HPSE2: variants seen among roughly 807,000 people sequenced by gnomAD.
HPSE2 encodes heparanase 2 (inactive).
HPSE2 carries 38 observed loss-of-function variants against 60.5 expected under a neutral mutation model. That is an observed-to-expected ratio of 0.63 (90% CI 0.48 to 0.82). HPSE2 has a LOEUF of 0.82. HPSE2 is among the 40% of genes least tolerant of loss of function. HPSE2 has a pLI of 0.00. For synonymous variants in HPSE2, 295 were observed against 293.2 expected (o/e 1.01, Z -0.06); for missense variants, 713 against 740.4 (o/e 0.96, Z 0.43).
chr10:99,055,040 C>T (rs868452365), intron 3 of HPSE2, among the ~76,000 whole-genome samples: 6 of 152,012 alleles, frequency 3.9e-5, no homozygotes, highest in South Asian at 2.1e-4. Context: ...ATTGTAATGT[C>T]GGTATTCAAT....
intron 3 of HPSE2, among the ~76,000 whole-genome samples, chr10:98,746,641 T>C (rs955492460): frequency 3.3e-5 from 5 of 152,160 alleles, no homozygotes; most frequent in African/African-American, 1.2e-4. Context: ...ACTACTCTTT[T>C]TTTTCTTTTC....
intron 3 of HPSE2, among the ~76,000 whole-genome samples, chr10:99,050,253 G>GA (rs1198224072): frequency 6.6e-6 from 1 of 151,724 alleles, no homozygotes; most frequent in Admixed American, 6.6e-5. Flanking sequence ...AGTGGGGTAT[G>GA]ACTGCACCAC....
At chr10:98,550,088 G>A (rs1943814418) in intron 9 of HPSE2, among the ~76,000 whole-genome samples, 1 of 152,152 alleles carries the variant, frequency 6.6e-6, no homozygotes, top group African/African-American at 2.4e-5. Flanking sequence ...TTATTTGATT[G>A]ACTTACTCCT....
chr10:98,709,274 G>A (rs1049939788), intron 5 of HPSE2, among the ~76,000 whole-genome samples: 1 of 152,190 alleles, frequency 6.6e-6, no homozygotes, highest in South Asian at 2.1e-4. Flanking sequence ...ATTCCACTGG[G>A]AGAGTGAAAT....
chr10:98,578,971 T>C (rs1346561377), intron 9 of HPSE2, among the ~76,000 whole-genome samples: 1 of 152,184 alleles, frequency 6.6e-6, no homozygotes, highest in African/African-American at 2.4e-5. Context: ...AAAAAGACTT[T>C]CCAAAGCCTA....
chr10:99,042,729 T>C (rs913449574), intron 3 of HPSE2, among the ~76,000 whole-genome samples: 1 of 151,352 alleles, frequency 6.6e-6, no homozygotes, highest in African/African-American at 2.4e-5. Flanking sequence ...GCCCCTCACC[T>C]AACATTCAAC....
At chr10:99,121,339 G>T (rs547839915) in intron 3 of HPSE2, among the ~76,000 whole-genome samples, 14 of 151,916 alleles carry the variant, frequency 9.2e-5, no homozygotes, top group Non-Finnish European at 1.9e-4. Context: ...ATAACTAATG[G>T]GTACTAGGTT....
intron 3 of HPSE2, among the ~76,000 whole-genome samples, chr10:99,068,700 T>C (rs900104241): frequency 2.0e-5 from 3 of 152,090 alleles, no homozygotes; most frequent in African/African-American, 7.2e-5. Context: ...TTCTCTAAAA[T>C]GTTCAAAAAA....
chr10:98,921,865 G>A (rs1258283629), intron 3 of HPSE2, among the ~76,000 whole-genome samples: 2 of 152,104 alleles, frequency 1.3e-5, no homozygotes, highest in Admixed American at 6.6e-5. Flanking sequence ...TTAAAGTAAG[G>A]GTTAGTAACT....
chr10:98,676,038 G>GAA (rs35701823), intron 6 of HPSE2, among the ~76,000 whole-genome samples: 1 of 139,378 alleles, frequency 7.2e-6, no homozygotes, highest in African/African-American at 2.7e-5. Context: ...CTGCCTCAAA[G>GAA]AAAAAAAAAA....
At chr10:99,059,302 T>A (rs182527918) in intron 3 of HPSE2, among the ~76,000 whole-genome samples, 13 of 152,326 alleles carry the variant, frequency 8.5e-5, no homozygotes, top group Non-Finnish European at 1.6e-4. Context: ...TTTTTTTAAG[T>A]GTTCAATTCT....
At chr10:99,041,729 C>A (rs1343630085) in intron 3 of HPSE2, among the ~76,000 whole-genome samples, 1 of 152,192 alleles carries the variant, frequency 6.6e-6, no homozygotes, top group Non-Finnish European at 1.5e-5. Flanking sequence ...GCCAACTGGC[C>A]TGGGCCCCCA....
intron 4 of HPSE2, among the ~76,000 whole-genome samples, chr10:98,722,997 C>A (rs1008737075): frequency 6.6e-6 from 1 of 152,152 alleles, no homozygotes; most frequent in Non-Finnish European, 1.5e-5. Flanking sequence ...ACTTCTAACA[C>A]TATGTTGAAT....
chr10:99,297,940 A>C, the HPSE2 span, among the ~76,000 whole-genome samples: 1 of 152,100 alleles, frequency 6.6e-6, no homozygotes, highest in Non-Finnish European at 1.5e-5. Flanking sequence ...TTTCTGCCCT[A>C]AAGTTTGAAG....
chr10:98,677,169 G>A (rs1947666004), intron 6 of HPSE2, among the ~76,000 whole-genome samples: 1 of 152,160 alleles, frequency 6.6e-6, no homozygotes, highest in South Asian at 2.1e-4. Context: ...TGCTAACTAA[G>A]CTTCCTGGGG....
At chr10:99,257,023 A>G in the HPSE2 span, among the ~76,000 whole-genome samples, 1 of 152,292 alleles carries the variant, frequency 6.6e-6, no homozygotes, top group East Asian at 1.9e-4. Context: ...TCTTTACTGC[A>G]ATCTCTGAAC....
chr10:98,461,992 G>A (rs1465653080), intron 11 of HPSE2, among the ~76,000 whole-genome samples: 1 of 152,184 alleles, frequency 6.6e-6, no homozygotes, highest in Admixed American at 6.5e-5. Context: ...AATTCCAGGA[G>A]CCAAGTTGCT....
chr10:99,173,082 G>GT (rs1176679862), intron 2 of HPSE2, among the ~76,000 whole-genome samples: 2 of 152,130 alleles, frequency 1.3e-5, no homozygotes, highest in Non-Finnish European at 2.9e-5. Flanking sequence ...CTGGAGTATA[G>GT]TAGGGTGGGA....
chr10:98,698,569 C>A (rs12252728), intron 5 of HPSE2, among the ~76,000 whole-genome samples: 105,662 of 151,666 alleles, frequency 0.7, 38,635 homozygotes, highest in South Asian at 0.94. Flanking sequence ...CCTAACATCC[C>A]AATTAAAAGA....
Sources: gnomAD v4.1 joint callset for allele counts (sites outside exome capture counted in the v4.1 genomes callset) on GRCh38, gnomAD v4.1.1 for gene constraint, MANE v1.5 for transcripts, NCBI Gene and HGNC (gene_info 2026-07-23, HGNC 2026-07-21) for gene names.